Variants in KLHL1 observed in about 807,000 individuals in gnomAD.
KLHL1 encodes kelch-like protein 1.
In KLHL1, 47 loss-of-function variants were observed where a neutral mutation model predicts 77.7. The observed-to-expected ratio is 0.60, with a 90% confidence interval of 0.48 to 0.77. KLHL1 has a LOEUF of 0.77. Ranked by LOEUF, KLHL1 falls within the 30% of genes least tolerant of loss-of-function variation. The pLI is 0.00. For synonymous variants in KLHL1, 360 were observed against 325.2 expected (o/e 1.11, Z -1.15); for missense variants, 925 against 910.8 (o/e 1.02, Z -0.20).
chr13:69,807,138 TC>T (rs1877650953), intron 6 of KLHL1, among the ~76,000 whole-genome samples: 1 of 152,156 alleles, frequency 6.6e-6, no homozygotes, highest in South Asian at 2.1e-4. Context: ...AACCATGTCA[TC>T]CCATGCATAT....
At chr13:69,956,587 A>G (rs1593985764) in intron 3 of KLHL1, among the ~76,000 whole-genome samples, 2 of 151,630 alleles carry the variant, frequency 1.3e-5, no homozygotes, top group Middle Eastern at 6.8e-3. Context: ...CTGATACCCT[A>G]TAAAAGTACA....
At chr13:69,814,548 C>T (rs1282491964) in intron 6 of KLHL1, among the ~76,000 whole-genome samples, 2 of 151,854 alleles carry the variant, frequency 1.3e-5, no homozygotes, top group African/African-American at 4.8e-5. Flanking sequence ...TAAAAAAAAT[C>T]AACAAGTAAA....
rs371414982 is a variant in KLHL1 at position 69,719,155 on chromosome 13, T to C, written c.2015+214A>G. Among the ~76,000 whole-genome samples the C allele has an allele frequency of 1.3e-4, 20 of 150,586 alleles. 1 individual carries two copies. Among genetic ancestry groups the C allele is most frequent in the Admixed American group, 9.3e-4 (14 of 15,080 alleles). ...TTAGTTGAAGGGAGGAAGCAAGGAA[T>C]AAAAGAATAAGAAAATAAAAGAAAG... On this transcript the variant is annotated intron_variant, in intron 9 of 10. Coordinates refer to ENST00000377844, the MANE Select transcript of KLHL1 (RefSeq NM_020866.3).
chr13:69,764,952 T>TTTTTTTTTTTTTTTTTTTTTTTC, intron 7 of KLHL1, among the ~76,000 whole-genome samples: 1 of 88,220 alleles, frequency 1.1e-5, no homozygotes, highest in East Asian at 2.8e-4. Context: ...TTTTTTTTTT[T>TTTTTTTTTTTTTTTTTTTTTTTC]TTTTTTTTTT....
chr13:69,703,363 T>C (rs370450760), intron 10 of KLHL1, among the ~76,000 whole-genome samples: 1 of 151,490 alleles, frequency 6.6e-6, no homozygotes, highest in Admixed American at 6.6e-5. Flanking sequence ...AAAAAAATTA[T>C]ACAGCTGGAC....
chr13:69,833,626 A>T (rs1358866557), intron 6 of KLHL1, among the ~76,000 whole-genome samples: 1 of 151,926 alleles, frequency 6.6e-6, no homozygotes, highest in East Asian at 1.9e-4. Flanking sequence ...AGATTCAAAG[A>T]AGTCATTATA....
chr13:70,028,462 G>T (rs1160180521), intron 1 of KLHL1, among the ~76,000 whole-genome samples: 1 of 152,010 alleles, frequency 6.6e-6, no homozygotes, highest in Non-Finnish European at 1.5e-5. Context: ...TTTTATAGTG[G>T]TAGCCTGGAT....
intron 6 of KLHL1, among the ~76,000 whole-genome samples, chr13:69,835,802 T>A (rs1878963126): frequency 6.6e-6 from 1 of 151,662 alleles, no homozygotes; most frequent in Admixed American, 6.6e-5. Context: ...TGTGTAATTG[T>A]TAAGAAATAA....
chr13:70,099,511 GT>G (rs1887874233), intron 1 of KLHL1, among the ~76,000 whole-genome samples: 1 of 151,936 alleles, frequency 6.6e-6, no homozygotes, highest in Non-Finnish European at 1.5e-5. Flanking sequence ...ATTCTGTAAA[GT>G]AAGTATAATG....
At chr13:69,952,948 A>T (rs539952329) in intron 3 of KLHL1, among the ~76,000 whole-genome samples, 1 of 151,498 alleles carries the variant, frequency 6.6e-6, no homozygotes, top group Non-Finnish European at 1.5e-5. Context: ...ATTAACAAAT[A>T]GTCAAAACTG....
intron 9 of KLHL1, 117 bp from the exon 10 acceptor site, chr13:69,707,913 A>G (rs1222727299): frequency 1.4e-6 from 1 of 731,376 alleles, no homozygotes; most frequent in African/African-American, 1.8e-5. Flanking sequence ...TTTTTTCTCT[A>G]AAGGCTCAAT....
intron 1 of KLHL1, among the ~76,000 whole-genome samples, chr13:69,978,194 A>G (rs1399059186): frequency 6.6e-6 from 1 of 152,050 alleles, no homozygotes; most frequent in Non-Finnish European, 1.5e-5. Context: ...CACAATATGC[A>G]TTGCAGGGTG....
chr13:69,894,909 G>A (rs1881575044), intron 4 of KLHL1: 2 of 406,682 alleles, frequency 4.9e-6, no homozygotes, highest in South Asian at 2.2e-5. Context: ...GCACCTTGCG[G>A]TTGAGCAGAA....
intron 1 of KLHL1, among the ~76,000 whole-genome samples, chr13:70,075,339 AAT>A (rs1249039041): frequency 6.6e-6 from 1 of 151,630 alleles, no homozygotes; most frequent in Non-Finnish European, 1.5e-5. Context: ...GAAAAAATAA[AAT>A]AAAAAAATAA....
chr13:69,723,817 C>A (rs548755637), intron 8 of KLHL1, among the ~76,000 whole-genome samples: 1 of 151,012 alleles, frequency 6.6e-6, no homozygotes, highest in Admixed American at 6.7e-5. Flanking sequence ...GATAATAACT[C>A]TTTCAGCCAG....
intron 1 of KLHL1, among the ~76,000 whole-genome samples, chr13:70,003,835 C>T (rs1314928790): frequency 2.0e-5 from 3 of 151,106 alleles, no homozygotes; most frequent in East Asian, 1.9e-4. Flanking sequence ...GTAGACAGGG[C>T]GATATATTAC....
chr13:69,897,680 C>A (rs550536886), intron 4 of KLHL1, among the ~76,000 whole-genome samples: 11 of 152,086 alleles, frequency 7.2e-5, no homozygotes, highest in Non-Finnish European at 8.8e-5. Context: ...ACACCTGATA[C>A]CCTCACCATC....
intron 4 of KLHL1, among the ~76,000 whole-genome samples, chr13:69,926,054 T>C (rs1882803703): frequency 6.6e-6 from 1 of 152,244 alleles, no homozygotes; most frequent in Admixed American, 6.5e-5. Flanking sequence ...CATTCTCTTT[T>C]AACCTTGCAC....
rs1047086071 is a variant in KLHL1, at chr13:69,829,682, A to T, written c.1414+9294T>A. ...GAAAGGTGAAAAACAAGGTAAAAAA[A>T]TTAAAGAGCTGTGAGGCAAAGCATC... On this transcript the variant is annotated intron_variant, in intron 6 of 10. Coordinates refer to ENST00000377844, the MANE Select transcript of KLHL1 (RefSeq NM_020866.3). Among the ~76,000 whole-genome samples the T allele has an allele frequency of 2.0e-5, 3 of 149,898 alleles. 1 individual carries two copies. Among genetic ancestry groups the T allele is most frequent in the African/African-American group, 7.5e-5 (3 of 39,938 alleles).
Sources: gnomAD v4.1 joint callset for allele counts (sites outside exome capture counted in the v4.1 genomes callset) on GRCh38, gnomAD v4.1.1 for gene constraint, MANE v1.5 for transcripts, NCBI Gene and HGNC (gene_info 2026-07-23, HGNC 2026-07-21) for gene names.